PRR14L: variants seen among roughly 807,000 people sequenced by gnomAD.
PRR14L encodes the protein protein PRR14L.
In PRR14L, 80 loss-of-function variants were observed where a neutral mutation model predicts 155.0. The ratio of observed to expected loss-of-function variants is 0.52; its 90% CI spans 0.43 to 0.62. The LOEUF is 0.62. PRR14L is among the 20% of genes least tolerant of loss of function. The probability of loss-of-function intolerance (pLI) is 0.00; values close to 1 mark genes in which losing one functional copy is unlikely to be tolerated. For missense variants in PRR14L, 2,469 were observed against 2,548.0 expected, an observed-to-expected ratio of 0.97 and a Z score of 0.67; for synonymous variants, 883 against 916.0, an observed-to-expected ratio of 0.96 and a Z score of 0.65.
At chr22:31,728,812 C>T (rs776721212) in intron 2 of PRR14L, among the ~76,000 whole-genome samples, 9 of 151,502 alleles carry the variant, frequency 5.9e-5, no homozygotes, top group Non-Finnish European at 1.2e-4. Context: ...ACAACATATT[C>T]AACCCAGGTG....
At chr22:31,691,520 C>T (rs1252247798) in intron 7 of PRR14L, among the ~76,000 whole-genome samples, 1 of 152,150 alleles carries the variant, frequency 6.6e-6, no homozygotes, top group African/African-American at 2.4e-5. Flanking sequence ...CACAACCAGC[C>T]TTAAAACACT....
In PRR14L at chr22:31,682,271, A is replaced by C. The variant is rs2074458352; in HGVS notation, c.*3256T>G. ...TCAGGTTGGCTCTGGAGCCCGTGCC[A>C]AAGACCCTTTCAGGCAAAATTGTGA... is the stretch of plus-strand genomic sequence containing the variant. On this transcript the variant is annotated 3_prime_UTR_variant, in exon 9 of 9. Transcript: ENST00000327423. 1 of 152,198 alleles carries C rather than the reference A, an allele frequency of 6.6e-6. No homozygotes were observed. Among genetic ancestry groups the C allele is most frequent in the African/African-American group, 2.4e-5 (1 of 41,432 alleles). The allele number at this position is 152,198 out of a possible 1,614,324, so 9.4% of individuals were successfully genotyped here.
chr22:31,739,167 G>C (rs919598480), intron 1 of PRR14L, among the ~76,000 whole-genome samples: 6 of 152,144 alleles, frequency 3.9e-5, no homozygotes, highest in Admixed American at 2.6e-4. Flanking sequence ...ATTTAAACGT[G>C]AAGGGCCTGC....
chr22:31,708,627 A>C (rs2074604111), intron 4 of PRR14L, among the ~76,000 whole-genome samples: 1 of 149,862 alleles, frequency 6.7e-6, no homozygotes, highest in Admixed American at 6.6e-5. Context: ...ATGCCTGGCC[A>C]CCAGCAGTCT....
chr22:31,693,162 C>T (rs551351265), intron 7 of PRR14L, among the ~76,000 whole-genome samples: 62 of 152,216 alleles, frequency 4.1e-4, no homozygotes, highest in Admixed American at 3.0e-3. Context: ...TGAGTTTTGA[C>T]AAACACATAA....
rs1195673612 is a variant in PRR14L, at chr22:31,713,231, A to G, written c.4608T>C (p.Ile1536=). ...CKKVSYQEQI[I]VGRKIGKIRS... is the part of the protein sequence containing the mutation. ...TGATTTTACCTATTTTTCTCCCAAC[A>G]ATGATTTGCTCCTGATAGGAAACTT... is the stretch of plus-strand genomic sequence containing the variant. The change falls in exon 4 of 9, where the codon ATT becomes ATC. Residue 1536 remains isoleucine (I), a synonymous_variant. Coordinates refer to ENST00000327423, the MANE Select transcript of PRR14L (RefSeq NM_173566.3). 1.1e-5 allele frequency: 17 copies of G among 1,551,758 alleles called. No individual in the cohort carries two copies. The highest frequency in any genetic ancestry group is 1.5e-5 in the Non-Finnish European group (17 of 1,147,024).
At chr22:31,700,925 A>G (rs1266275076) in intron 7 of PRR14L, among the ~76,000 whole-genome samples, 1 of 152,078 alleles carries the variant, frequency 6.6e-6, no homozygotes, top group Non-Finnish European at 1.5e-5. Context: ...GACCACTGTC[A>G]GGCTTCCATT....
chr22:31,727,601 G>A (rs995031241), intron 2 of PRR14L, among the ~76,000 whole-genome samples: 1 of 152,112 alleles, frequency 6.6e-6, no homozygotes, highest in African/African-American at 2.4e-5. Context: ...CTCTTAAAAG[G>A]TTCTGAGTTA....
At chr22:31,734,194 A>G (rs1276565960) in intron 2 of PRR14L, among the ~76,000 whole-genome samples, 1 of 151,968 alleles carries the variant, frequency 6.6e-6, no homozygotes, top group Non-Finnish European at 1.5e-5. Flanking sequence ...GATGGTCTCA[A>G]TCTCTTGACC....
intron 2 of PRR14L, among the ~76,000 whole-genome samples, chr22:31,733,145 C>T (rs1374873432): frequency 2.0e-5 from 3 of 151,766 alleles, no homozygotes; most frequent in Non-Finnish European, 4.4e-5. Context: ...CCGCCACACG[C>T]CCGGCTAATT....
chr22:31,738,907 T>C lies in PRR14L; in HGVS notation c.-47A>G. 20 of 1,273,924 alleles carry C rather than the reference T, an allele frequency of 1.6e-5. No homozygotes were observed. The highest frequency in any genetic ancestry group is 2.2e-5 in the Non-Finnish European group (20 of 923,236). 78.9% of individuals were successfully genotyped at this position (1,273,924 alleles called of 1,614,324 possible). ...AGTCAAGTCTTTTACATCAAATGAT[T>C]CACCCTGACACAAATCACAGGAAGG... On this transcript the variant is annotated 5_prime_UTR_variant, in exon 2 of 9. Coordinates refer to ENST00000327423, the MANE Select transcript of PRR14L (RefSeq NM_173566.3).
intron 3 of PRR14L, among the ~76,000 whole-genome samples, chr22:31,721,492 C>T (rs1184151835): frequency 6.6e-6 from 1 of 150,794 alleles, no homozygotes; most frequent in African/African-American, 2.4e-5. Flanking sequence ...GGCGTGAACC[C>T]GGGAGGCGGA....
intron 1 of PRR14L, among the ~76,000 whole-genome samples, chr22:31,746,250 T>C (rs1050281939): frequency 7.2e-5 from 11 of 152,334 alleles, no homozygotes; most frequent in South Asian, 2.1e-4. Context: ...ATATATTACA[T>C]ATGTTAAAAT....
chr22:31,701,536 G>T (rs558690563), intron 7 of PRR14L, 120 bp downstream of exon 7: 1 of 588,728 alleles, frequency 1.7e-6, no homozygotes, highest in South Asian at 2.4e-5. Context: ...AATTCTTTAG[G>T]ATAAATTCCT....
intron 1 of PRR14L, among the ~76,000 whole-genome samples, chr22:31,747,733 T>TA (rs1397308254): frequency 1.3e-5 from 2 of 150,444 alleles, no homozygotes; most frequent in Admixed American, 6.6e-5. Context: ...AAGAACACTT[T>TA]ACATACAAAA....
chr22:31,725,585 T>G lies in PRR14L; in HGVS notation c.500A>C (p.Lys167Thr). Residue 167 changes from lysine to threonine, a missense_variant, in exon 3 of 9, where the codon AAA becomes ACA. Around this residue, in one of 2 missense-constraint regions of PRR14L, gnomAD observed 2,363 missense variants for 2,371.6 expected, o/e 1.00. Coordinates refer to ENST00000327423, the MANE Select transcript of PRR14L (RefSeq NM_173566.3). ...SQEDLLMQSS[K>T]ELSHVDLPED... ...AGGGAGGTCCACATGTGAAAGTTCTTTGCTGGACTGCATCAGGAGATCCTC... is the reference window on the plus strand; with the variant it reads ...AGGGAGGTCCACATGTGAAAGTTCTGTGCTGGACTGCATCAGGAGATCCTC... 6.4e-7 allele frequency: 1 copy of G among 1,551,154 alleles called. No individual in the cohort carries two copies. The highest frequency in any genetic ancestry group is 2.4e-5 in the East Asian group (1 of 40,914).
chr22:31,733,879 C>T (rs1372051324), intron 2 of PRR14L, among the ~76,000 whole-genome samples: 1 of 151,842 alleles, frequency 6.6e-6, no homozygotes, highest in Non-Finnish European at 1.5e-5. Flanking sequence ...CGAGGCTGAC[C>T]ATCTCTTATG....
chr22:31,704,592 C>T (rs772144381), intron 5 of PRR14L, 63 bp downstream of exon 5: 64 of 1,363,142 alleles, frequency 4.7e-5, no homozygotes, highest in Non-Finnish European at 6.4e-5. Context: ...CCTATGTATG[C>T]ACTCTCTCTC....
chr22:31,698,060 C>CTTTTTTT (rs71184519), intron 7 of PRR14L, among the ~76,000 whole-genome samples: 1 of 148,772 alleles, frequency 6.7e-6, no homozygotes. Flanking sequence ...TGTTGTAATT[C>CTTTTTTT]TTTTTTTTTT....
Sources: allele counts gnomAD v4.1 joint callset (sites outside exome capture counted in the v4.1 genomes callset), GRCh38; gene constraint gnomAD v4.1.1; regional missense constraint gnomAD v4.1.1; transcripts MANE v1.5; gene names NCBI Gene and HGNC (gene_info 2026-07-23, HGNC 2026-07-21).